The following TACC2 variants were observed in gnomAD, a reference collection of about 807,000 sequenced individuals.
The protein encoded by TACC2 is transforming acidic coiled-coil containing protein 2, also known as transforming acidic coiled-coil-containing protein 2.
TACC2 carries 137 observed loss-of-function variants against 227.3 expected under a neutral mutation model. That is an observed-to-expected ratio of 0.60 (90% CI 0.52 to 0.69). The LOEUF (loss-of-function observed/expected upper bound fraction) is 0.69. Among genes scored for constraint, TACC2 ranks in the 30% least tolerant of loss-of-function variants. The pLI, the probability that TACC2 is intolerant of heterozygous loss-of-function variation, is 0.00. For synonymous variants in TACC2, 1,523 were observed against 1,487.5 expected, an observed-to-expected ratio of 1.02 and a Z score of -0.55; for missense variants, 3,470 against 3,694.4, an observed-to-expected ratio of 0.94 and a Z score of 1.57.
intron 15 of TACC2, 86 bp downstream of exon 15, chr10:122,229,572 G>C (rs1275947258): frequency 6.7e-7 from 1 of 1,490,918 alleles, no homozygotes; most frequent in East Asian, 2.3e-5. Flanking sequence ...AATAAGGCAG[G>C]ATTTGATGAG....
chr10:121,991,925 C>A (rs1173401824), intron 1 of TACC2, among the ~76,000 whole-genome samples: 1 of 152,134 alleles, frequency 6.6e-6, no homozygotes, highest in Non-Finnish European at 1.5e-5. Context: ...TGGATGACAG[C>A]AGGCAAAGAA....
At chr10:122,055,027 C>T (rs540312264) in intron 3 of TACC2, among the ~76,000 whole-genome samples, 3 of 152,130 alleles carry the variant, frequency 2.0e-5, no homozygotes, top group East Asian at 3.9e-4. Flanking sequence ...AGGGACCAGC[C>T]CGGGCAACAC....
At position 122,087,216 on chromosome 10, in the gene TACC2, G is replaced by A; in HGVS notation, c.4716G>A (p.Glu1572=). ...CAGCTACTCAGGAGCTCCCTGTGGA[G>A]AGAGCTGCTGCCTTCCAGGTGGCTC... ...SPAATQELPV[E]RAAAFQVAPH... The change falls in exon 4 of 23, where the codon GAG becomes GAA. Residue 1572 remains glutamate (E), a synonymous_variant. Coordinates refer to ENST00000369005, the MANE Select transcript of TACC2 (RefSeq NM_206862.4). 6.2e-7 allele frequency: 1 copy of A among 1,613,000 alleles called. No individual in the cohort carries two copies. Among genetic ancestry groups the A allele is most frequent in the South Asian group, 1.1e-5 (1 of 90,996 alleles).
At chr10:122,215,568 T>G in intron 10 of TACC2, 117 bp downstream of exon 10, 1 of 863,288 alleles carries the variant, frequency 1.2e-6, no homozygotes, top group South Asian at 1.4e-5. Flanking sequence ...ACCCTCTTCT[T>G]GCATTCTGTG....
chr10:122,159,032 A>G (rs1239541545), intron 7 of TACC2, among the ~76,000 whole-genome samples: 1 of 152,210 alleles, frequency 6.6e-6, no homozygotes, highest in Non-Finnish European at 1.5e-5. Context: ...AGGCATCAAT[A>G]TGCAGGCAGC....
At chr10:122,000,227 A>G (rs1304981752) in intron 1 of TACC2, among the ~76,000 whole-genome samples, 1 of 152,150 alleles carries the variant, frequency 6.6e-6, no homozygotes, top group East Asian at 1.9e-4. Flanking sequence ...AAAATACAAA[A>G]AATTAGCCAG....
chr10:122,102,208 T>C (rs993330076), intron 5 of TACC2, among the ~76,000 whole-genome samples: 7 of 152,080 alleles, frequency 4.6e-5, no homozygotes, highest in African/African-American at 1.4e-4. Context: ...AAAAAAAATA[T>C]TGATGCCTAG....
intron 7 of TACC2, among the ~76,000 whole-genome samples, chr10:122,161,866 G>A (rs1363158680): frequency 1.3e-5 from 2 of 152,206 alleles, no homozygotes; most frequent in Non-Finnish European, 2.9e-5. Context: ...GCTCCACGTG[G>A]TAAGCTTCTT....
chr10:122,129,353 C>T (rs1426946618), intron 5 of TACC2, among the ~76,000 whole-genome samples: 2 of 152,086 alleles, frequency 1.3e-5, no homozygotes, highest in Non-Finnish European at 2.9e-5. Context: ...CTACTGCGCC[C>T]GGCCTACCTT....
chr10:122,182,536 G>A (rs951988923), intron 7 of TACC2, among the ~76,000 whole-genome samples: 1 of 152,140 alleles, frequency 6.6e-6, no homozygotes, highest in Non-Finnish European at 1.5e-5. Flanking sequence ...GGGTTTCCAC[G>A]GAGAGAAACA....
In TACC2 at chr10:122,084,830, G is replaced by C; in HGVS notation, c.2330G>C (p.Gly777Ala). Residue 777 changes from glycine (G) to alanine (A), a missense_variant, in exon 4 of 23, where the codon GGG (glycine) becomes GCG (alanine). Gly to Ala is a moderately conservative substitution (Grantham distance 60, BLOSUM62 0). Coordinates refer to ENST00000369005, the MANE Select transcript of TACC2 (RefSeq NM_206862.4). ...CDASRQEFHA[G>A]VPHPPQGENL... ...GCGTCGAGACAGGAATTTCATGCTG[G>C]GGTGCCACATCCCCCCCAGGGGGAG... 1 of 1,613,768 alleles carries C rather than the reference G, an allele frequency of 6.2e-7. No homozygotes were observed. Among genetic ancestry groups the C allele is most frequent in the Admixed American group, 1.7e-5 (1 of 60,028 alleles).
chr10:122,236,423 G>A (rs1403536067), intron 16 of TACC2, among the ~76,000 whole-genome samples: 1 of 152,222 alleles, frequency 6.6e-6, no homozygotes, highest in Admixed American at 6.5e-5. Flanking sequence ...ACAGCGCCAC[G>A]AGGTTAATGC....
In TACC2 at chr10:122,050,670, C is replaced by G; in HGVS notation, c.146+120C>G. On this transcript the variant is annotated intron_variant, in intron 3 of 22. Coordinates refer to ENST00000369005, the MANE Select transcript of TACC2 (RefSeq NM_206862.4). The surrounding 1 kb of genome is among the most constrained non-coding windows in gnomAD (Gnocchi z 4.6). Reference sequence around the variant, plus strand: ...TGGACCCTTAGACACATGGTATCGTCCTCAGTGGTGAGATGTTCCAAGCAG... The same window carrying G: ...TGGACCCTTAGACACATGGTATCGTGCTCAGTGGTGAGATGTTCCAAGCAG... The G allele has an allele frequency of 1.4e-6, 1 of 724,698 alleles. No homozygotes were observed. Among genetic ancestry groups the G allele is most frequent in the Middle Eastern group, 4.0e-4 (1 of 2,522 alleles). The allele number at this position is 724,698 out of a possible 1,614,324, so 44.9% of individuals were successfully genotyped here.
At chr10:122,010,112 A>G (rs982489566) in intron 1 of TACC2, among the ~76,000 whole-genome samples, 1 of 152,172 alleles carries the variant, frequency 6.6e-6, no homozygotes, top group South Asian at 2.1e-4. Context: ...CATCAGGAAT[A>G]ATCTCTTTGC....
rs748180148 is a variant in TACC2 at position 122,083,263 on chromosome 10, GCAGCCCAGCAGGGCA to G, written c.767_781del (p.Ala256_Thr260del). 1.9e-6 allele frequency: 3 copies of G among 1,613,604 alleles called. No individual in the cohort carries two copies. The highest frequency in any genetic ancestry group is 2.5e-6 in the Non-Finnish European group (3 of 1,180,000). ...GCAAGTGACCCCTGAGGCCCCTGCT[GCAGCCCAGCAGGGCA>G]CAGAAAGCTCAGCGGTCTTGGAGAA... On this transcript the variant is annotated inframe_deletion, in exon 4 of 23. Transcript: ENST00000369005.
intron 3 of TACC2, among the ~76,000 whole-genome samples, chr10:122,079,539 A>T (rs1365919332): frequency 1.3e-5 from 2 of 152,168 alleles, no homozygotes; most frequent in East Asian, 3.8e-4. Context: ...CCCATGTCCT[A>T]TGTGCAGGAA....
chr10:122,074,043 G>C (rs1477977937), intron 3 of TACC2, among the ~76,000 whole-genome samples: 1 of 150,250 alleles, frequency 6.7e-6, no homozygotes, highest in African/African-American at 2.5e-5. Context: ...GCCTCCCAAA[G>C]TGCTGGGATT....
chr10:122,142,827 G>T (rs775473839), intron 6 of TACC2, among the ~76,000 whole-genome samples: 1 of 152,252 alleles, frequency 6.6e-6, no homozygotes, highest in Non-Finnish European at 1.5e-5. Flanking sequence ...CACCCTGAAA[G>T]CTGTTCCCAG....
chr10:122,218,234 C>T (rs1254478383), intron 11 of TACC2, among the ~76,000 whole-genome samples: 4 of 152,160 alleles, frequency 2.6e-5, no homozygotes, highest in South Asian at 2.1e-4. Context: ...TGAGCCACCG[C>T]GCCTGACCGA....
Sources: gnomAD v4.1 joint callset for allele counts (sites outside exome capture counted in the v4.1 genomes callset) on GRCh38, gnomAD v4.1.1 for gene constraint, Gnocchi (gnomAD v3.1) non-coding constraint, MANE v1.5 for transcripts, NCBI Gene and HGNC (gene_info 2026-07-23, HGNC 2026-07-21) for gene names.